Variants in LUZP2 observed in about 807,000 individuals in gnomAD.
The protein encoded by LUZP2 is leucine zipper protein 2.
LUZP2 carries 52 observed loss-of-function variants against 51.6 expected under a neutral mutation model. The observed-to-expected ratio is 1.01, with a 90% CI of 0.81 to 1.27. LUZP2 has a LOEUF of 1.27. Ranked by LOEUF, LUZP2 falls within the 50% of genes most tolerant of loss-of-function variation. The probability of loss-of-function intolerance (pLI) is 0.00; values close to 1 mark genes in which losing one functional copy is unlikely to be tolerated. For missense variants in LUZP2, 436 were observed against 395.4 expected (o/e 1.10, Z -0.87); for synonymous variants, 154 against 137.3 (o/e 1.12, Z -0.85).
At chr11:24,867,120 T>G (rs1851923631) in intron 5 of LUZP2, among the ~76,000 whole-genome samples, 1 of 152,176 alleles carries the variant, frequency 6.6e-6, no homozygotes, top group Non-Finnish European at 1.5e-5. Context: ...TTTCTTCTTT[T>G]TCTTCAAGAG....
At chr11:24,783,617 G>A (rs1000370927) in intron 5 of LUZP2, among the ~76,000 whole-genome samples, 4 of 151,818 alleles carry the variant, frequency 2.6e-5, no homozygotes, top group African/African-American at 9.7e-5. Flanking sequence ...ACATGAATCT[G>A]CAACCTTCAA....
intron 5 of LUZP2, 84 bp from the exon 6 acceptor site, chr11:24,905,907 C>T: frequency 1.0e-6 from 1 of 972,616 alleles, no homozygotes; most frequent in Non-Finnish European, 1.6e-6. Context: ...TTGAACAGAA[C>T]ATAAAGCAAT....
chr11:24,921,390 A>T (rs1854048688), intron 7 of LUZP2, among the ~76,000 whole-genome samples: 3 of 152,064 alleles, frequency 2.0e-5, no homozygotes, highest in Non-Finnish European at 4.4e-5. Flanking sequence ...TAATATGCAA[A>T]TGAGGGTCGC....
intron 5 of LUZP2, among the ~76,000 whole-genome samples, chr11:24,814,860 T>C (rs1590578554): frequency 1.3e-5 from 2 of 151,880 alleles, no homozygotes; most frequent in Non-Finnish European, 2.9e-5. Context: ...GGCGTGGCGG[T>C]GTGCGCCTGT....
At chr11:24,992,986 T>C (rs1445406957) in intron 9 of LUZP2, among the ~76,000 whole-genome samples, 1 of 152,184 alleles carries the variant, frequency 6.6e-6, no homozygotes, top group African/African-American at 2.4e-5. Flanking sequence ...ATACAATTAC[T>C]TTTTAAGTTT....
Position 24,630,487 on chromosome 11 carries a change from T to C in LUZP2, c.63-98682T>C, listed in dbSNP as rs150265924. Among the ~76,000 whole-genome samples, 17 of 152,164 alleles carry C rather than the reference T, an allele frequency of 1.1e-4. No homozygotes were observed. The East Asian group carries it at 3.3e-3, about 29-fold the overall frequency. On this transcript the variant is annotated intron_variant, in intron 1 of 11. Coordinates refer to ENST00000336930, the MANE Select transcript of LUZP2 (RefSeq NM_001009909.4). ...ATGTTCTTGTGGACCTTGTCAAAGA[T>C]TAGTTGGCTTTAAATATGTTGCTTT...
At chr11:24,602,384 A>G (rs995097474) in intron 1 of LUZP2, among the ~76,000 whole-genome samples, 4 of 56,930 alleles carry the variant, frequency 7.0e-5, no homozygotes, top group African/African-American at 1.6e-4. Context: ...GTATATATAT[A>G]TATACACACA....
In LUZP2 at chr11:24,822,137, G is replaced by C. The variant is rs570218142; in HGVS notation, c.396+58829G>C. On this transcript the variant is annotated intron_variant, in intron 5 of 11. Coordinates refer to ENST00000336930, the MANE Select transcript of LUZP2 (RefSeq NM_001009909.4). ...TGCTTTGTGCAGTGTAGCACAGAGT[G>C]AATCTTCAGTGGACAATATTTCTCT... 9.9e-5 allele frequency among the ~76,000 whole-genome samples: 15 copies of C among 152,098 alleles called. No homozygotes were observed. The East Asian group carries it at 2.7e-3, about 27-fold the overall frequency.
chr11:24,522,346 G>GT (rs11318475), intron 1 of LUZP2, among the ~76,000 whole-genome samples: 6 of 148,354 alleles, frequency 4.0e-5, no homozygotes, highest in South Asian at 2.1e-4. Context: ...TTTTCTTTTT[G>GT]TTTTTTTGCT....
At chr11:24,782,893 A>T (rs1423103178) in intron 5 of LUZP2, among the ~76,000 whole-genome samples, 1 of 152,064 alleles carries the variant, frequency 6.6e-6, no homozygotes, top group African/African-American at 2.4e-5. Flanking sequence ...TCAGTAAATC[A>T]GTCAGAACAC....
chr11:24,502,504 C>A lies in LUZP2; in HGVS notation c.62+5199C>A, dbSNP rs571264719. 1.0e-3 allele frequency among the ~76,000 whole-genome samples: 154 copies of A among 149,596 alleles called. 1 individual carries two copies. Among genetic ancestry groups the A allele is most frequent in the African/African-American group, 3.7e-3 (144 of 39,030 alleles). ...GGTTTAAGCAATTCTCTGCCTCAGC[C>A]TCCTGAGTACCTGAGATTACAGGCG... On this transcript the variant is annotated intron_variant, in intron 1 of 11. Transcript: ENST00000336930.
At chr11:25,041,214 A>G (rs149831831) in intron 9 of LUZP2, among the ~76,000 whole-genome samples, 1 of 152,248 alleles carries the variant, frequency 6.6e-6, no homozygotes, top group East Asian at 1.9e-4. Context: ...TGAATCCTCT[A>G]TACGCTGTAT....
At chr11:24,853,794 G>T (rs10834505) in intron 5 of LUZP2, among the ~76,000 whole-genome samples, 7 of 152,096 alleles carry the variant, frequency 4.6e-5, no homozygotes, top group Middle Eastern at 3.4e-3. Flanking sequence ...GGTGACCTAC[G>T]GATGGGGTTT....
chr11:24,892,262 A>C (rs996861165), intron 5 of LUZP2: 1 of 985,328 alleles, frequency 1.0e-6, no homozygotes, highest in Non-Finnish European at 1.2e-6. Flanking sequence ...GTGGCTGTGA[A>C]CTGGACCATC....
intron 1 of LUZP2, among the ~76,000 whole-genome samples, chr11:24,713,889 T>C (rs1269130955): frequency 7.3e-6 from 1 of 136,748 alleles, no homozygotes; most frequent in African/African-American, 2.9e-5. Flanking sequence ...AGAGACAGGG[T>C]TTCACCATGT....
intron 4 of LUZP2, among the ~76,000 whole-genome samples, chr11:24,755,273 C>A (rs1859733284): frequency 6.6e-6 from 1 of 152,172 alleles, no homozygotes; most frequent in Non-Finnish European, 1.5e-5. Flanking sequence ...CTTCGCACTT[C>A]GCATTCTGCT....
chr11:24,899,176 C>G (rs79060051), intron 5 of LUZP2, among the ~76,000 whole-genome samples: 1,923 of 152,032 alleles, frequency 0.013, 19 homozygotes, highest in South Asian at 0.038. Flanking sequence ...TCAGGGATAC[C>G]TTTTTTGATT....
At chr11:24,517,542 G>T (rs114023449) in intron 1 of LUZP2, among the ~76,000 whole-genome samples, 3 of 127,548 alleles carry the variant, frequency 2.4e-5, no homozygotes, top group Admixed American at 8.1e-5. Context: ...TTTTATGTAA[G>T]TTTTTTATAT....
At chr11:24,988,236 G>C (rs754403329) in intron 9 of LUZP2, among the ~76,000 whole-genome samples, 1 of 151,944 alleles carries the variant, frequency 6.6e-6, no homozygotes, top group African/African-American at 2.4e-5. Flanking sequence ...GCATGAGGGA[G>C]GTGAGATCTC....
Sources: gnomAD v4.1 joint callset for allele counts (sites outside exome capture counted in the v4.1 genomes callset) on GRCh38, gnomAD v4.1.1 for gene constraint, MANE v1.5 for transcripts, NCBI Gene and HGNC (gene_info 2026-07-23, HGNC 2026-07-21) for gene names.